PER2: variants seen among roughly 807,000 people sequenced by gnomAD.
The protein encoded by PER2 is period circadian protein homolog 2.
A neutral mutation model predicts 121.0 loss-of-function variants in PER2; 66 were observed. The ratio of observed to expected loss-of-function variants is 0.55; its 90% CI spans 0.45 to 0.67. The LOEUF is 0.67. Among genes scored for constraint, PER2 ranks in the 30% least tolerant of loss-of-function variants. PER2 has a pLI of 0.00. For synonymous variants in PER2, 684 were observed against 659.9 expected (o/e 1.04, Z -0.56); for missense variants, 1,521 against 1,635.0 (o/e 0.93, Z 1.20).
chr2:238,284,093 A>G (rs980338572), intron 1 of PER2, among the ~76,000 whole-genome samples: 1 of 152,180 alleles, frequency 6.6e-6, no homozygotes, highest in Non-Finnish European at 1.5e-5. Flanking sequence ...TAAATGACAC[A>G]ACCCATGCAA....
chr2:238,291,860 C>G (rs1696956229), upstream of PER2, among the ~76,000 whole-genome samples: 1 of 152,214 alleles, frequency 6.6e-6, no homozygotes, highest in Admixed American at 6.5e-5. Context: ...GGGCAGGTGC[C>G]TGTCCCTGGA....
intron 8 of PER2, 116 bp downstream of exon 8, chr2:238,267,940 C>A: frequency 8.3e-7 from 1 of 1,209,110 alleles, no homozygotes; most frequent in Non-Finnish European, 1.2e-6. Flanking sequence ...GTGGAGAGGC[C>A]AAGGCTGGGG....
At position 238,253,113 on chromosome 2, in the gene PER2, T is replaced by C. The variant is rs75272725; in HGVS notation, c.2910A>G (p.Pro970=). The change falls in exon 19 of 23, where the codon CCA becomes CCG. Residue 970 remains proline, a synonymous_variant. Transcript: ENST00000254657. The surrounding 1 kb of genome is among the most constrained non-coding windows in gnomAD (Gnocchi z 5.6). ...GTGGGGAGGCCCTACCCATGGCCGA[T>C]GGTGGGGTGGCCCGGGTGGCTGGAC... ...CACPATRATP[P]SAMGRASPPL... 9.4e-6 allele frequency: 15 copies of C among 1,603,920 alleles called. No individual in the cohort carries two copies. The highest frequency in any genetic ancestry group is 2.7e-5 in the African/African-American group (2 of 74,576).
At chr2:238,267,923 A>G (rs1696158195) in intron 8 of PER2, 133 bp downstream of exon 8, 4 of 943,240 alleles carry the variant, frequency 4.2e-6, no homozygotes, top group Non-Finnish European at 6.6e-6. Flanking sequence ...ACCCTGCCCA[A>G]GGTGAGGTGG....
chr2:238,286,546 C>T lies in PER2; in HGVS notation c.-20+1803G>A, dbSNP rs181996225. On this transcript the variant is annotated intron_variant, in intron 1 of 22. Coordinates refer to ENST00000254657, the MANE Select transcript of PER2 (RefSeq NM_022817.3). ...TGGGGGAGGGGTCCATCAGAGGCCC[C>T]CTCTAGACTAATTCTCCCTTGGTTC... Among the ~76,000 whole-genome samples the T allele has an allele frequency of 1.2e-4, 18 of 152,326 alleles. No individual in the cohort carries two copies. In the East Asian group the frequency reaches 3.3e-3, roughly 28 times the overall value.
At chr2:238,286,041 CG>C (rs1179822584) in intron 1 of PER2, among the ~76,000 whole-genome samples, 2 of 152,036 alleles carry the variant, frequency 1.3e-5, no homozygotes, top group African/African-American at 4.8e-5. Context: ...GGAGGTGCAC[CG>C]GGGAGGCATT....
chr2:238,282,603 A>C (rs571052882), intron 1 of PER2, among the ~76,000 whole-genome samples: 1 of 152,314 alleles, frequency 6.6e-6, no homozygotes, highest in South Asian at 2.1e-4. Context: ...AACAACAATA[A>C]AAAGGACAGA....
At chr2:238,248,545 G>T (rs907308958) in intron 22 of PER2, among the ~76,000 whole-genome samples, 4 of 152,258 alleles carry the variant, frequency 2.6e-5, no homozygotes, top group Admixed American at 2.0e-4. Context: ...AAGTGACTGA[G>T]ATTAGATTTT....
chr2:238,273,949 A>T (rs1381835582), intron 4 of PER2, among the ~76,000 whole-genome samples: 3 of 152,170 alleles, frequency 2.0e-5, no homozygotes, highest in Admixed American at 2.0e-4. Context: ...TACAGGCGTG[A>T]GCCACCGCGC....
At chr2:238,290,266 T>A (rs1427530962), upstream of PER2, among the ~76,000 whole-genome samples, 1 of 152,118 alleles carries the variant, frequency 6.6e-6, no homozygotes, top group Non-Finnish European at 1.5e-5. Context: ...CCTCTGACAT[T>A]GACACCTCGA....
In PER2 at chr2:238,261,777, G is replaced by A; in HGVS notation, c.1368C>T (p.His456=). The A allele has an allele frequency of 5.1e-6, 8 of 1,577,802 alleles. No individual in the cohort carries two copies. The highest frequency in any genetic ancestry group is 2.3e-5 in the East Asian group (1 of 42,918). The change falls in exon 12 of 23, where the codon CAC becomes CAT. Residue 456 remains histidine, a synonymous_variant. Transcript: ENST00000254657. The part of the protein sequence containing the change: ...AHPCTEEKAL[H]PSIQELTEQI... Reference sequence around the variant, plus strand: ...GCTCTGTGAGCTCCTGAATGCTGGGGTGCAGGGCCTTCTCCTCTGTGCAGG... The same window carrying A: ...GCTCTGTGAGCTCCTGAATGCTGGGATGCAGGGCCTTCTCCTCTGTGCAGG...
rs1466082244 is a variant in PER2, at chr2:238,246,991, A to G, written c.3619-467T>C. ...CCAGGAGCTGGCACTCTAGTAGCAG[A>G]GAGAGACAATAACTAAGAAGGGCTC... On this transcript the variant is annotated intron_variant, in intron 22 of 22. Coordinates refer to ENST00000254657, the MANE Select transcript of PER2 (RefSeq NM_022817.3). Among the ~76,000 whole-genome samples, 3 of 152,236 alleles carry G rather than the reference A, an allele frequency of 2.0e-5. No individual in the cohort carries two copies. In the South Asian group the frequency reaches 6.2e-4, roughly 31 times the overall value.
rs80156481 is a variant in PER2 at position 238,260,944 on chromosome 2, G to C, written c.1426C>G (p.His476Asp). ...IHRLLLQPVPHSGSSGYGSLG... is the reference protein window; with the variant it reads ...IHRLLLQPVPDSGSSGYGSLG... The stretch of plus-strand genomic sequence containing the variant: ...CTCCCGTAGCCACTGGAGCCGCTGT[G>C]GGGGACGGGCTGGGGAGACAGCAGA... Residue 476 changes from histidine to aspartate, a missense_variant, in exon 13 of 23, where the codon CAC becomes GAC. Physicochemically the swap from His to Asp is moderately conservative, Grantham distance 81. Coordinates refer to ENST00000254657, the MANE Select transcript of PER2 (RefSeq NM_022817.3). 1.2e-6 allele frequency: 2 copies of C among 1,613,004 alleles called. No individual in the cohort carries two copies. The highest frequency in any genetic ancestry group is 1.7e-6 in the Non-Finnish European group (2 of 1,179,982).
intron 4 of PER2, among the ~76,000 whole-genome samples, chr2:238,274,569 G>A (rs1358920064): frequency 1.3e-5 from 2 of 152,240 alleles, no homozygotes; most frequent in Non-Finnish European, 2.9e-5. Flanking sequence ...TTACTGTAGA[G>A]GCCAACAGGG....
chr2:238,272,559 C>T (rs1038044460), intron 5 of PER2, among the ~76,000 whole-genome samples: 60 of 152,212 alleles, frequency 3.9e-4, no homozygotes, highest in African/African-American at 1.3e-3. Flanking sequence ...ATGTGGGATC[C>T]CCACTAGCCC....
rs751928618 is a variant in PER2 at position 238,258,255 on chromosome 2, G to A, written c.1900+21C>T. On this transcript the variant is annotated intron_variant, in intron 16 of 22. Coordinates refer to ENST00000254657, the MANE Select transcript of PER2 (RefSeq NM_022817.3). ...GATTTACATTATTTCACATGTACAT[G>A]GCTCTACACAGATTAGATACCTCCA... The A allele has an allele frequency of 2.5e-6, 4 of 1,613,410 alleles. No homozygotes were observed. The Admixed American group carries it at 5.0e-5, about 20-fold the overall frequency.
At chr2:238,282,281 T>A (rs1696652147) in intron 1 of PER2, among the ~76,000 whole-genome samples, 1 of 152,138 alleles carries the variant, frequency 6.6e-6, no homozygotes, top group African/African-American at 2.4e-5. Context: ...CTGGGCAGCC[T>A]GCATGAACAG....
At chr2:238,287,455 C>G (rs771703608) in intron 1 of PER2, among the ~76,000 whole-genome samples, 20 of 152,362 alleles carry the variant, frequency 1.3e-4, no homozygotes, top group Non-Finnish European at 2.5e-4. Flanking sequence ...TCTAGCAGTC[C>G]TGCTGTGCCA....
rs374747581 is a variant in PER2, at chr2:238,253,200, C to T, written c.2823G>A (p.Met941Ile). Residue 941 changes from methionine (M) to isoleucine (I), a missense_variant, in exon 19 of 23, where the codon ATG becomes ATA. Coordinates refer to ENST00000254657, the MANE Select transcript of PER2 (RefSeq NM_022817.3). The surrounding 1 kb of genome is among the most constrained non-coding windows in gnomAD (Gnocchi z 5.6). ...FPSHPTLTSE[M>I]ASASQPEFPS... ...GGAACTCAGGCTGTGAGGCAGAGGC[C>T]ATCTCGGATGTGAGTGTGGGGTGGC... The T allele has an allele frequency of 5.8e-5, 93 of 1,594,312 alleles. 1 individual carries two copies. In the Admixed American group the frequency reaches 1.6e-3, roughly 27 times the overall value.
Sources: allele counts gnomAD v4.1 joint callset (sites outside exome capture counted in the v4.1 genomes callset), GRCh38; gene constraint gnomAD v4.1.1; non-coding constraint Gnocchi (gnomAD v3.1); transcripts MANE v1.5; gene names NCBI Gene and HGNC (gene_info 2026-07-23, HGNC 2026-07-21).